SUN1: variants seen among roughly 807,000 people sequenced by gnomAD.
The protein encoded by SUN1 is SUN domain-containing protein 1.
SUN1 carries 61 observed loss-of-function variants against 103.2 expected under a neutral mutation model. The ratio of observed to expected loss-of-function variants is 0.59; its 90% CI spans 0.48 to 0.73. SUN1 has a LOEUF of 0.73. Among genes scored for constraint, SUN1 ranks in the 30% least tolerant of loss-of-function variants. The pLI, the probability that SUN1 is intolerant of heterozygous loss-of-function variation, is 0.00. For missense variants in SUN1, 1,052 were observed against 1,034.6 expected, an observed-to-expected ratio of 1.02 and a Z score of -0.23; for synonymous variants, 490 against 425.7, an observed-to-expected ratio of 1.15 and a Z score of -1.86.
At position 838,862 on chromosome 7, in the gene SUN1, T is replaced by C; in HGVS notation, c.142T>C (p.Ser48Pro). Reference protein sequence around the residue: ...TEHKLDPVFDSPRMSRRSLRL... With the variant: ...TEHKLDPVFDPPRMSRRSLRL... ...GCACAAATTGGACCCTGTATTTGATTCTCCACGGATGTCCCGCCGTAGTTT... is the reference window on the plus strand; with the variant it reads ...GCACAAATTGGACCCTGTATTTGATCCTCCACGGATGTCCCGCCGTAGTTT... Residue 48 changes from serine (S) to proline (P), a missense_variant, in exon 2 of 19, where the codon TCT becomes CCT. By Grantham distance (74) the Ser-to-Pro change is moderately conservative. Coordinates refer to ENST00000401592, the MANE Select transcript of SUN1 (RefSeq NM_001130965.3). The C allele has an allele frequency of 6.3e-7, 1 of 1,592,754 alleles. No individual in the cohort carries two copies. The highest frequency in any genetic ancestry group is 8.6e-7 in the Non-Finnish European group (1 of 1,169,386).
At chr7:851,055 G>A (rs76276107) in intron 5 of SUN1, 3,339 of 202,226 alleles carry the variant, frequency 0.017, 120 homozygotes, top group African/African-American at 0.072. Flanking sequence ...AAATTGTGCT[G>A]GCACCAATGG....
intron 1 of SUN1, among the ~76,000 whole-genome samples, chr7:817,101 G>T (rs1014478067): frequency 2.6e-5 from 4 of 152,084 alleles, no homozygotes; most frequent in Non-Finnish European, 5.9e-5. Flanking sequence ...TGGAAGTAGC[G>T]GCGGGGCCGT....
At position 866,044 on chromosome 7, in the gene SUN1, C is replaced by A; in HGVS notation, c.1957C>A (p.Gln653Lys). The change falls in exon 16 of 19, where the codon CAG (glutamine) becomes AAG (lysine). Residue 653 changes from glutamine to lysine, a missense_variant. Gln to Lys is a moderately conservative substitution (Grantham distance 53). Coordinates refer to ENST00000401592, the MANE Select transcript of SUN1 (RefSeq NM_001130965.3). ...TGGGATCCCGCTGTGGTACTTCTCG[C>A]AGTCCCCGCGCGTGGTCATCCAGGT... Reference protein sequence around the residue: ...LFGIPLWYFSQSPRVVIQPDI... With the variant: ...LFGIPLWYFSKSPRVVIQPDI... 5 of 1,614,148 alleles carry A rather than the reference C, an allele frequency of 3.1e-6. No individual in the cohort carries two copies. The highest frequency in any genetic ancestry group is 3.4e-6 in the Non-Finnish European group (4 of 1,179,996).
At chr7:854,195 T>G (rs1354974129) in intron 10 of SUN1, among the ~76,000 whole-genome samples, 1 of 152,230 alleles carries the variant, frequency 6.6e-6, no homozygotes, top group Non-Finnish European at 1.5e-5. Flanking sequence ...TGAGCTCACT[T>G]TAGCACGGAT....
At chr7:863,885 A>G (rs1304887929) in intron 15 of SUN1, among the ~76,000 whole-genome samples, 2 of 152,334 alleles carry the variant, frequency 1.3e-5, no homozygotes, top group East Asian at 1.9e-4. Context: ...TGTGTGTCCT[A>G]AAGCAGTTGT....
intron 5 of SUN1, 141 bp downstream of exon 5, chr7:843,661 C>A: frequency 6.6e-7 from 1 of 1,524,360 alleles, no homozygotes; most frequent in Non-Finnish European, 8.8e-7. Flanking sequence ...CACCCCAAAC[C>A]AGCTTTGTCC....
chr7:853,835 G>A (rs1374825872), intron 10 of SUN1, among the ~76,000 whole-genome samples: 2 of 152,240 alleles, frequency 1.3e-5, no homozygotes, highest in Non-Finnish European at 2.9e-5. Flanking sequence ...AGCGCACATG[G>A]AAGTGGTGGG....
At chr7:853,738 TTTCTG>T in intron 10 of SUN1, 120 bp downstream of exon 10, 1 of 1,138,518 alleles carries the variant, frequency 8.8e-7, no homozygotes, top group Admixed American at 2.3e-5. Flanking sequence ...GGGGTTGCCC[TTTCTG>T]TTCTTAGTTG....
intron 12 of SUN1, 88 bp from the exon 13 acceptor site, chr7:857,740 G>C (rs1158152210): frequency 7.0e-7 from 1 of 1,419,726 alleles, no homozygotes; most frequent in African/African-American, 1.4e-5. Flanking sequence ...CCAGGAGTGG[G>C]ATCGGGTTCC....
intron 17 of SUN1, among the ~76,000 whole-genome samples, chr7:871,052 G>A (rs747580014): frequency 1.3e-5 from 2 of 151,692 alleles, no homozygotes; most frequent in South Asian, 2.1e-4. Flanking sequence ...CACCACGCCC[G>A]GCTAATTTTT....
chr7:849,583 G>A (rs1275525428), intron 5 of SUN1: 1 of 1,438,452 alleles, frequency 7.0e-7, no homozygotes, highest in Admixed American at 1.8e-5. Context: ...GGCCACCTCA[G>A]TGTAAATGGG....
chr7:847,226 G>A lies in SUN1; in HGVS notation c.658+3706G>A, dbSNP rs932750291. 3.3e-5 allele frequency among the ~76,000 whole-genome samples: 5 copies of A among 152,098 alleles called. No homozygotes were observed. In the East Asian group the frequency reaches 9.7e-4, roughly 29 times the overall value. ...CCAGCGGAGTTGGCGGCCTTCCCCT[G>A]GGGGTTACCCCGCAGTCCAGTCTCC... On this transcript the variant is annotated intron_variant, in intron 5 of 18. Coordinates refer to ENST00000401592, the MANE Select transcript of SUN1 (RefSeq NM_001130965.3).
upstream of SUN1, chr7:831,848 TG>T (rs1281771797): frequency 6.0e-6 from 1 of 165,920 alleles, no homozygotes; most frequent in Non-Finnish European, 1.2e-5. Flanking sequence ...AGTCAGGGTG[TG>T]TGCATGTGAG....
rs763364681 is a variant in SUN1 at position 857,925 on chromosome 7, G to A, written c.1492G>A (p.Gly498Ser). 1.4e-5 allele frequency: 23 copies of A among 1,597,060 alleles called. No homozygotes were observed. The highest frequency in any genetic ancestry group is 3.4e-5 in the Admixed American group (2 of 59,326). Residue 498 changes from glycine (G) to serine (S), a missense_variant, in exon 13 of 19, where the codon GGC (glycine) becomes AGC (serine). By Grantham distance (56) the Gly-to-Ser change is moderately conservative. This residue lies in a region of SUN1 where 846 missense variants were observed against 774.5 expected (regional missense o/e 1.09). Transcript: ENST00000401592. ...ELSSWRHVKT[G>S]CETVDAVQER... ...GTCCAGCTGGCGACACGTGAAGACC[G>A]GCTGTGAGACAGTGGATGCCGTACA...
In SUN1 at chr7:843,081, G is replaced by T. The variant is rs574094274; in HGVS notation, c.452-125G>T. 6 of 1,365,362 alleles carry T rather than the reference G, an allele frequency of 4.4e-6. No individual in the cohort carries two copies. In the South Asian group the frequency reaches 7.6e-5, roughly 17 times the overall value. 84.6% of individuals were successfully genotyped at this position (1,365,362 alleles called of 1,614,324 possible). A position where few individuals can be genotyped will look rare whatever the true frequency, so the allele number is the denominator to read the frequency against. Reference sequence around the variant, plus strand: ...GGAGGCATTTTAGGAAATAAACTGTGACCAGTGCCATAATGCTGATTTATT... The same window carrying T: ...GGAGGCATTTTAGGAAATAAACTGTTACCAGTGCCATAATGCTGATTTATT... On this transcript the variant is annotated intron_variant, in intron 3 of 18. Transcript: ENST00000401592.
chr7:834,588 C>T (rs1471408987), intron 1 of SUN1, among the ~76,000 whole-genome samples: 1 of 152,202 alleles, frequency 6.6e-6, no homozygotes, highest in African/African-American at 2.4e-5. Flanking sequence ...CCTTTGGCTC[C>T]TCGTAGCCCT....
At chr7:827,068 G>T (rs1332593542) in intron 1 of SUN1, among the ~76,000 whole-genome samples, 1 of 152,146 alleles carries the variant, frequency 6.6e-6, no homozygotes, top group Admixed American at 6.5e-5. Context: ...TGTCACCCAG[G>T]CTGGAGTGCA....
At chr7:819,423 A>T (rs1329896903) in intron 1 of SUN1, among the ~76,000 whole-genome samples, 1 of 152,160 alleles carries the variant, frequency 6.6e-6, no homozygotes. Context: ...GCAAAATCCA[A>T]GGTCAGGAGG....
At chr7:845,537 C>G (rs1045780880) in intron 5 of SUN1, among the ~76,000 whole-genome samples, 5 of 151,690 alleles carry the variant, frequency 3.3e-5, no homozygotes, top group African/African-American at 1.2e-4. Context: ...AGCTGCCACA[C>G]CAGAAAAAAA....
Sources: allele counts gnomAD v4.1 joint callset (sites outside exome capture counted in the v4.1 genomes callset), GRCh38; gene constraint gnomAD v4.1.1; regional missense constraint gnomAD v4.1.1; transcripts MANE v1.5; gene names NCBI Gene and HGNC (gene_info 2026-07-23, HGNC 2026-07-21).